KIF1B: variants seen among roughly 807,000 people sequenced by gnomAD.
The protein encoded by KIF1B is kinesin family member 1B, also known as kinesin-like protein KIF1B.
Under a neutral mutation model 241.9 loss-of-function variants are expected in KIF1B, and 76 were observed. The ratio of observed to expected loss-of-function variants is 0.31; its 90% CI spans 0.26 to 0.38. The LOEUF is 0.38. KIF1B is among the 10% of genes least tolerant of loss of function. KIF1B has a pLI of 1.00. For synonymous variants in KIF1B, 750 were observed against 796.7 expected (o/e 0.94, Z 0.99); for missense variants, 1,622 against 2,271.4 (o/e 0.71, Z 5.81).
intron 1 of KIF1B, among the ~76,000 whole-genome samples, chr1:10,231,816 CAGAG>C (rs77374837): frequency 6.6e-6 from 1 of 151,844 alleles, no homozygotes; most frequent in Admixed American, 6.6e-5. Flanking sequence ...GAAACACACA[CAGAG>C]AGAGAGATAC....
At chr1:10,280,653 C>T (rs1018345635) in intron 14 of KIF1B, among the ~76,000 whole-genome samples, 2 of 152,154 alleles carry the variant, frequency 1.3e-5, no homozygotes, top group African/African-American at 4.8e-5. Context: ...CTTAAAGGCA[C>T]TATAATGTCC....
Position 10,377,405 on chromosome 1 carries a change from G to A in KIF1B, c.*818G>A, listed in dbSNP as rs964506488. The A allele has an allele frequency of 2.6e-5, 6 of 227,238 alleles. No individual in the cohort carries two copies. The highest frequency in any genetic ancestry group is 5.7e-5 in the Admixed American group (1 of 17,566). The allele number at this position is 227,238 out of a possible 1,614,324, so 14.1% of individuals were successfully genotyped here. Reference sequence around the variant, plus strand: ...CTTCAGGGGACCCCAGGGTTTGGCCGTGGGCCGTGATGGCAGCAGGCGGTG... The same window carrying A: ...CTTCAGGGGACCCCAGGGTTTGGCCATGGGCCGTGATGGCAGCAGGCGGTG... On this transcript the variant is annotated 3_prime_UTR_variant, in exon 49 of 49. Transcript: ENST00000676179.
At chr1:10,235,444 G>T (rs1450773388) in intron 2 of KIF1B, among the ~76,000 whole-genome samples, 2 of 151,874 alleles carry the variant, frequency 1.3e-5, no homozygotes, top group African/African-American at 4.8e-5. Context: ...GTAGAGATGG[G>T]GTCTCACCAT....
intron 7 of KIF1B, among the ~76,000 whole-genome samples, chr1:10,269,408 A>G (rs1648656233): frequency 6.6e-6 from 1 of 151,748 alleles, no homozygotes. Context: ...CCAGCTGCTC[A>G]GGAGGCTGAG....
intron 45 of KIF1B, among the ~76,000 whole-genome samples, chr1:10,373,940 C>T (rs1638814565): frequency 6.6e-6 from 1 of 152,220 alleles, no homozygotes; most frequent in South Asian, 2.1e-4. Context: ...GAAGCTGATG[C>T]TGCTGGCTGG....
Position 10,376,054 on chromosome 1 carries a change from C to T in KIF1B, c.5409-491C>T, listed in dbSNP as rs1313542056. On this transcript the variant is annotated intron_variant, in intron 48 of 48. Coordinates refer to ENST00000676179, the MANE Select transcript of KIF1B (RefSeq NM_001365951.3). ...CTGACCTCAGGTGATCCACCCTCCT[C>T]GGCCTCCCAAAGTGCTGGGATTACA... Among the ~76,000 whole-genome samples the T allele has an allele frequency of 4.6e-5, 7 of 152,024 alleles. No homozygotes were observed. In the East Asian group the frequency reaches 7.7e-4, roughly 17 times the overall value.
intron 9 of KIF1B, 145 bp downstream of exon 9, chr1:10,272,451 A>G: frequency 1.4e-6 from 1 of 700,804 alleles, no homozygotes; most frequent in Non-Finnish European, 2.6e-6. Context: ...TTCAGATAAG[A>G]TACTAGGTAT....
intron 32 of KIF1B, 29 bp downstream of exon 32, chr1:10,339,888 A>G (rs753388322): frequency 3.2e-6 from 5 of 1,584,808 alleles, no homozygotes; most frequent in Non-Finnish European, 3.5e-6. Flanking sequence ...TTTGCCAAAC[A>G]TATGTTTTTC....
Position 10,295,768 on chromosome 1 carries a change from T to C in KIF1B, c.1777+2T>C. On this transcript the variant is annotated splice_donor_variant, in intron 19 of 48. Coordinates refer to ENST00000676179, the MANE Select transcript of KIF1B (RefSeq NM_001365951.3). LOFTEE classifies it high-confidence loss of function. ...GTGAGAGAAGCAACAGCGGGGAAGG[T>C]GAGCATTCCTGGCTGGAGCTTCAGC... is the stretch of plus-strand genomic sequence containing the variant. 1 of 1,608,974 alleles carries C rather than the reference T, an allele frequency of 6.2e-7. No homozygotes were observed. Among genetic ancestry groups the C allele is most frequent in the South Asian group, 1.1e-5 (1 of 90,940 alleles).
In KIF1B at chr1:10,378,253, C is replaced by T. The variant is rs563647639; in HGVS notation, c.*1666C>T. ...CGGGCCCCAGGCTTTGTTGCGTGTT[C>T]CCTGCTCCTCTCCATCTGGTGTGGA... On this transcript the variant is annotated 3_prime_UTR_variant, in exon 49 of 49. Transcript: ENST00000676179. 1 of 712,778 alleles carries T rather than the reference C, an allele frequency of 1.4e-6. No individual in the cohort carries two copies. Among genetic ancestry groups the T allele is most frequent in the African/African-American group, 1.8e-5 (1 of 57,072 alleles). The allele number at this position is 712,778 out of a possible 1,614,324, so 44.2% of individuals were successfully genotyped here.
At chr1:10,251,856 G>A (rs143858200) in intron 2 of KIF1B, among the ~76,000 whole-genome samples, 151 of 152,040 alleles carry the variant, frequency 9.9e-4, no homozygotes, top group African/African-American at 3.3e-3. Context: ...GTTTTTGAGC[G>A]GTGAGGACTA....
chr1:10,271,073 A>G (rs892311418), intron 7 of KIF1B, among the ~76,000 whole-genome samples: 1 of 151,974 alleles, frequency 6.6e-6, no homozygotes, highest in Non-Finnish European at 1.5e-5. Context: ...GATGAGTTTT[A>G]TATATTTTTA....
intron 16 of KIF1B, 105 bp from the exon 17 acceptor site, chr1:10,291,942 A>C: frequency 9.2e-6 from 8 of 870,192 alleles, no homozygotes; most frequent in Non-Finnish European, 1.4e-5. Context: ...GGCTATAAAC[A>C]TGGCCAGTTG....
chr1:10,251,887 GTCA>G (rs1647470697), intron 2 of KIF1B, among the ~76,000 whole-genome samples: 1 of 152,076 alleles, frequency 6.6e-6, no homozygotes, highest in Non-Finnish European at 1.5e-5. Flanking sequence ...CATGCCTTGT[GTCA>G]TCATTGTTCT....
intron 2 of KIF1B, among the ~76,000 whole-genome samples, chr1:10,254,904 G>T (rs7368073): frequency 0.54 from 74,005 of 138,012 alleles, 20,896 homozygotes; most frequent in African/African-American, 0.72. Flanking sequence ...AAAAAAAGCT[G>T]CTTTCAAATA....
chr1:10,288,805 T>G (rs1322389745), intron 15 of KIF1B, among the ~76,000 whole-genome samples: 1 of 152,218 alleles, frequency 6.6e-6, no homozygotes, highest in Non-Finnish European at 1.5e-5. Context: ...GAATCTTTAC[T>G]CTTGCTTTTT....
Position 10,275,517 on chromosome 1 carries a change from T to C in KIF1B, c.958+14T>C. The C allele has an allele frequency of 2.3e-6, 3 of 1,311,164 alleles. No homozygotes were observed. The highest frequency in any genetic ancestry group is 3.3e-6 in the Non-Finnish European group (3 of 903,768). 81.2% of individuals were successfully genotyped at this position (1,311,164 alleles called of 1,614,324 possible). On this transcript the variant is annotated intron_variant, in intron 11 of 48. Coordinates refer to ENST00000676179, the MANE Select transcript of KIF1B (RefSeq NM_001365951.3). The stretch of plus-strand genomic sequence containing the variant: ...GAGAAAATTTAGGTATGTTGACCAC[T>C]AGTGAAAAGTAGTTATCTTTTTAAC...
rs1377198164 is a variant in KIF1B, at chr1:10,378,971, A to G, written c.*2384A>G. On this transcript the variant is annotated 3_prime_UTR_variant, in exon 49 of 49. Transcript: ENST00000676179. Reference sequence around the variant, plus strand: ...GTATGTGAGATTTTCTAATGTAGTTAGAAGTTTCATTGTCTGATGGACACA... The same window carrying G: ...GTATGTGAGATTTTCTAATGTAGTTGGAAGTTTCATTGTCTGATGGACACA... The G allele has an allele frequency of 4.7e-5, 11 of 232,718 alleles. No individual in the cohort carries two copies. In the East Asian group the frequency reaches 6.7e-4, roughly 14 times the overall value. The allele number at this position is 232,718 out of a possible 1,614,324, so 14.4% of individuals were successfully genotyped here.
intron 1 of KIF1B, among the ~76,000 whole-genome samples, chr1:10,229,999 C>T (rs1646960134): frequency 6.6e-6 from 1 of 150,768 alleles, no homozygotes; most frequent in Non-Finnish European, 1.5e-5. Context: ...CATAACAAGA[C>T]TTTGTCTCTA....
Sources: gnomAD v4.1 joint callset for allele counts (sites outside exome capture counted in the v4.1 genomes callset) on GRCh38, gnomAD v4.1.1 for gene constraint, MANE v1.5 for transcripts, NCBI Gene and HGNC (gene_info 2026-07-23, HGNC 2026-07-21) for gene names.